Variants in DGKB observed in about 807,000 individuals in gnomAD.
DGKB encodes 90 kDa diacylglycerol kinase.
DGKB carries 67 observed loss-of-function variants against 114.3 expected under a neutral mutation model. The observed-to-expected ratio is 0.59, with a 90% confidence interval of 0.48 to 0.72. The LOEUF is 0.72. Ranked by LOEUF, DGKB falls within the 30% of genes least tolerant of loss-of-function variation. DGKB has a pLI of 0.00. For synonymous variants in DGKB, 398 were observed against 323.1 expected (o/e 1.23, Z -2.49); for missense variants, 907 against 975.2 (o/e 0.93, Z 0.93).
chr7:14,914,820 TC>T (rs1784161694), intron 1 of DGKB, among the ~76,000 whole-genome samples: 1 of 142,812 alleles, frequency 7.0e-6, no homozygotes, highest in Non-Finnish European at 1.5e-5. Flanking sequence ...TAACAAAGAA[TC>T]AAAAGGAAAT....
intron 13 of DGKB, among the ~76,000 whole-genome samples, chr7:14,644,762 G>A (rs1045389383): frequency 4.6e-5 from 7 of 152,092 alleles, no homozygotes; most frequent in Non-Finnish European, 1.0e-4. Context: ...GAAAAGATGG[G>A]GAAAGACATG....
intron 21 of DGKB, among the ~76,000 whole-genome samples, chr7:14,355,277 C>T (rs549992164): frequency 2.9e-4 from 44 of 152,236 alleles, no homozygotes; most frequent in African/African-American, 1.1e-3. Flanking sequence ...ATTTCTTTCT[C>T]TTGCCTGATT....
chr7:14,435,893 C>A (rs1008484105), intron 21 of DGKB, among the ~76,000 whole-genome samples: 2 of 152,002 alleles, frequency 1.3e-5, no homozygotes, highest in Non-Finnish European at 2.9e-5. Flanking sequence ...AATTTTGGCA[C>A]CTATTATTGT....
chr7:14,727,167 G>A (rs1309397847), intron 5 of DGKB, among the ~76,000 whole-genome samples: 2 of 152,032 alleles, frequency 1.3e-5, no homozygotes, highest in South Asian at 2.1e-4. Context: ...TGAAAATACA[G>A]AAACTCCTGT....
intron 2 of DGKB, among the ~76,000 whole-genome samples, chr7:14,791,087 G>T (rs376218732): frequency 6.6e-6 from 1 of 151,934 alleles, no homozygotes; most frequent in Non-Finnish European, 1.5e-5. Context: ...TACCTCTGCC[G>T]CCTTAAATGT....
chr7:14,776,805 G>T (rs981415717), intron 2 of DGKB, among the ~76,000 whole-genome samples: 6 of 152,212 alleles, frequency 3.9e-5, no homozygotes, highest in Admixed American at 6.5e-5. Flanking sequence ...TCCCTACTGT[G>T]GCACAACCTA....
chr7:14,590,188 A>C (rs1232963727), intron 17 of DGKB, among the ~76,000 whole-genome samples: 2 of 151,802 alleles, frequency 1.3e-5, no homozygotes, highest in Non-Finnish European at 2.9e-5. Context: ...TAAAGAGAAA[A>C]GTCTTACATC....
chr7:14,702,640 A>G (rs913123122), intron 6 of DGKB, among the ~76,000 whole-genome samples: 2 of 152,194 alleles, frequency 1.3e-5, no homozygotes, highest in African/African-American at 4.8e-5. Context: ...CTGTAAAAAT[A>G]GAAGAATGGA....
At chr7:14,652,193 T>G (rs973471311) in intron 13 of DGKB, among the ~76,000 whole-genome samples, 2 of 149,984 alleles carry the variant, frequency 1.3e-5, no homozygotes, top group East Asian at 4.0e-4. Context: ...CATCACCAAG[T>G]CAATCCTAAG....
intron 16 of DGKB, among the ~76,000 whole-genome samples, chr7:14,607,877 T>C (rs976881018): frequency 6.6e-6 from 1 of 151,986 alleles, no homozygotes; most frequent in Non-Finnish European, 1.5e-5. Flanking sequence ...TGCCTAAATA[T>C]CTTCTCTCAG....
intron 23 of DGKB, among the ~76,000 whole-genome samples, chr7:14,314,126 A>G (rs913868208): frequency 2.0e-5 from 3 of 152,132 alleles, no homozygotes; most frequent in African/African-American, 7.2e-5. Context: ...CCAAAAACTC[A>G]TCTGTACATC....
Position 14,293,448 on chromosome 7 carries a change from G to A in DGKB, c.2122+45067C>T, listed in dbSNP as rs547656846. ...TTACAAAATAGGAACTAACATACCT[G>A]TGTCTGATTTATTCTCCATATGTTA... On this transcript the variant is annotated intron_variant, in intron 23 of 25. Transcript: ENST00000402815. Among the ~76,000 whole-genome samples, 7 of 152,156 alleles carry A rather than the reference G, an allele frequency of 4.6e-5. No homozygotes were observed. In the South Asian group the frequency reaches 1.0e-3, roughly 23 times the overall value.
chr7:14,801,677 C>T (rs544344341), intron 2 of DGKB, among the ~76,000 whole-genome samples: 18 of 152,074 alleles, frequency 1.2e-4, no homozygotes, highest in South Asian at 1.0e-3. Flanking sequence ...TTCCCCCCGT[C>T]TCAGGATTTT....
At chr7:14,431,755 G>C (rs991106852) in intron 21 of DGKB, among the ~76,000 whole-genome samples, 8 of 151,890 alleles carry the variant, frequency 5.3e-5, no homozygotes, top group Non-Finnish European at 1.0e-4. Context: ...TGTTATTATA[G>C]AACTGATACA....
chr7:14,454,039 T>C (rs959447700), intron 21 of DGKB, among the ~76,000 whole-genome samples: 6 of 152,134 alleles, frequency 3.9e-5, no homozygotes, highest in Non-Finnish European at 8.8e-5. Context: ...GTTACACACA[T>C]TGCAGATACA....
chr7:14,939,939 T>G (rs776844666), intron 1 of DGKB, among the ~76,000 whole-genome samples: 8 of 152,146 alleles, frequency 5.3e-5, no homozygotes, highest in Non-Finnish European at 1.0e-4. Flanking sequence ...ATTGAAAAAT[T>G]TATTTAATTT....
intron 16 of DGKB, among the ~76,000 whole-genome samples, chr7:14,608,165 T>A (rs1229149638): frequency 6.6e-6 from 1 of 151,974 alleles, no homozygotes; most frequent in Non-Finnish European, 1.5e-5. Context: ...CATGCACATA[T>A]CTCACACTGT....
chr7:14,393,111 T>C (rs1424600551), intron 21 of DGKB, among the ~76,000 whole-genome samples: 2 of 150,798 alleles, frequency 1.3e-5, no homozygotes, highest in African/African-American at 4.9e-5. Flanking sequence ...TGCCTCAGCC[T>C]CCCGCGTAGC....
At chr7:14,640,093 C>A (rs934881009) in intron 13 of DGKB, among the ~76,000 whole-genome samples, 1 of 152,188 alleles carries the variant, frequency 6.6e-6, no homozygotes, top group Non-Finnish European at 1.5e-5. Context: ...GGAATGAGTT[C>A]TACAACACAC....
Sources: allele counts gnomAD v4.1 joint callset (sites outside exome capture counted in the v4.1 genomes callset), GRCh38; gene constraint gnomAD v4.1.1; transcripts MANE v1.5; gene names NCBI Gene and HGNC (gene_info 2026-07-23, HGNC 2026-07-21).